CDH12: variants seen among roughly 807,000 people sequenced by gnomAD.
CDH12 encodes the protein cadherin 12.
Under a neutral mutation model 74.1 loss-of-function variants are expected in CDH12, and 41 were observed. The ratio of observed to expected loss-of-function variants is 0.55; its 90% CI spans 0.43 to 0.72. The LOEUF is 0.72. Ranked by LOEUF, CDH12 falls within the 30% of genes least tolerant of loss-of-function variation. The pLI, the probability that CDH12 is intolerant of heterozygous loss-of-function variation, is 0.00. For missense variants in CDH12, 945 were observed against 977.2 expected, an observed-to-expected ratio of 0.97 and a Z score of 0.44; for synonymous variants, 399 against 355.0, an observed-to-expected ratio of 1.12 and a Z score of -1.39.
At chr5:21,947,323 CAGA>C (rs1174651747) in intron 6 of CDH12, among the ~76,000 whole-genome samples, 1 of 152,050 alleles carries the variant, frequency 6.6e-6, no homozygotes, top group African/African-American at 2.4e-5. Context: ...TTGGAGGGCT[CAGA>C]AGAAGACAGG....
At chr5:22,147,650 A>G (rs1204169878) in intron 4 of CDH12, among the ~76,000 whole-genome samples, 1 of 151,952 alleles carries the variant, frequency 6.6e-6, no homozygotes, top group Non-Finnish European at 1.5e-5. Context: ...GAGGCCTCAC[A>G]ATCATGGCAG....
At chr5:22,602,869 T>C (rs1372808963) in intron 1 of CDH12, among the ~76,000 whole-genome samples, 1 of 152,192 alleles carries the variant, frequency 6.6e-6, no homozygotes, top group Non-Finnish European at 1.5e-5. Flanking sequence ...ATTTAACTCA[T>C]ATCTGCCAAT....
At chr5:22,301,905 G>A (rs2150420369) in intron 3 of CDH12, among the ~76,000 whole-genome samples, 1 of 151,810 alleles carries the variant, frequency 6.6e-6, no homozygotes, top group Non-Finnish European at 1.5e-5. Flanking sequence ...CTGAGCTCAA[G>A]CAATCTGCCC....
At chr5:21,802,447 G>A in intron 9 of CDH12, 27 bp from the exon 10 acceptor site, 2 of 1,586,190 alleles carry the variant, frequency 1.3e-6, no homozygotes, top group Non-Finnish European at 1.7e-6. Flanking sequence ...TTAAGAATAA[G>A]GAGTAAATTT....
intron 5 of CDH12, among the ~76,000 whole-genome samples, chr5:21,995,121 G>T (rs141501119): frequency 0.013 from 1,959 of 152,110 alleles, 18 homozygotes; most frequent in South Asian, 0.023. Context: ...CTGAACATTG[G>T]AAGGAACAAA....
At chr5:22,578,835 TC>T (rs1739933168) in intron 1 of CDH12, among the ~76,000 whole-genome samples, 2 of 152,288 alleles carry the variant, frequency 1.3e-5, no homozygotes, top group East Asian at 3.9e-4. Context: ...ATCATTCCAG[TC>T]TTGAATTGTT....
At chr5:22,019,878 T>C (rs1402883925) in intron 5 of CDH12, among the ~76,000 whole-genome samples, 1 of 152,110 alleles carries the variant, frequency 6.6e-6, no homozygotes, top group African/African-American at 2.4e-5. Context: ...TAACTGTCAA[T>C]ATGTGTGAAA....
chr5:22,283,291 T>C (rs1327524471), intron 3 of CDH12, among the ~76,000 whole-genome samples: 2 of 146,846 alleles, frequency 1.4e-5, no homozygotes, highest in Non-Finnish European at 3.0e-5. Flanking sequence ...CACACATATA[T>C]ATATAGCATT....
At chr5:22,467,008 G>A (rs2457150) in intron 2 of CDH12, among the ~76,000 whole-genome samples, 64,471 of 150,850 alleles carry the variant, frequency 0.43, 14,144 homozygotes, top group Admixed American at 0.61. Context: ...AGGATGGTCT[G>A]GATCTCGACC....
intron 4 of CDH12, among the ~76,000 whole-genome samples, chr5:22,184,417 G>A (rs1403470146): frequency 6.6e-6 from 1 of 152,148 alleles, no homozygotes; most frequent in African/African-American, 2.4e-5. Flanking sequence ...TAAGGCAAAA[G>A]ATAATTTCAG....
intron 1 of CDH12, among the ~76,000 whole-genome samples, chr5:22,633,188 C>A (rs560677256): frequency 3.3e-5 from 5 of 151,986 alleles, no homozygotes; most frequent in African/African-American, 1.2e-4. Flanking sequence ...CCACAAAAAC[C>A]ATCTAATGGG....
At chr5:22,771,863 A>G (rs1746823976) in intron 1 of CDH12, among the ~76,000 whole-genome samples, 1 of 151,964 alleles carries the variant, frequency 6.6e-6, no homozygotes, top group Admixed American at 6.6e-5. Flanking sequence ...TGACCTGCCA[A>G]CCTTTGCAAT....
At chr5:22,387,271 A>T (rs191051028) in intron 3 of CDH12, among the ~76,000 whole-genome samples, 1,520 of 145,910 alleles carry the variant, frequency 0.01, 19 homozygotes, top group African/African-American at 0.034. Context: ...TACAATTTTT[A>T]AAAAAAATTT....
intron 2 of CDH12, among the ~76,000 whole-genome samples, chr5:22,444,898 A>C (rs1243663012): frequency 6.6e-6 from 1 of 152,034 alleles, no homozygotes; most frequent in African/African-American, 2.4e-5. Context: ...TTCTTGTTTT[A>C]GTGCTTATAT....
chr5:22,833,131 G>A (rs930206431), intron 1 of CDH12, among the ~76,000 whole-genome samples: 1 of 152,074 alleles, frequency 6.6e-6, no homozygotes, highest in Admixed American at 6.6e-5. Flanking sequence ...GGTTTGAAAT[G>A]CATTTTAACT....
rs548126124 is a variant in CDH12 at position 22,197,303 on chromosome 5, C to T, written c.-187+15195G>A. On this transcript the variant is annotated intron_variant, in intron 4 of 14. Coordinates refer to ENST00000382254, the MANE Select transcript of CDH12 (RefSeq NM_004061.5). ...ACTAAAAATACAAAAAAAAAATTAG[C>T]TGGGCGTGGTGGCAGGTGCCTGTAG... 1.6e-4 allele frequency among the ~76,000 whole-genome samples: 24 copies of T among 152,042 alleles called. No homozygotes were observed. The East Asian group carries it at 4.5e-3, about 28-fold the overall frequency.
chr5:22,112,491 C>T (rs1007725434), intron 4 of CDH12, among the ~76,000 whole-genome samples: 62 of 152,200 alleles, frequency 4.1e-4, no homozygotes, highest in African/African-American at 1.1e-3. Context: ...TCCAAACACA[C>T]GCTAATTTAA....
chr5:22,248,952 T>C (rs1011910794), intron 3 of CDH12, among the ~76,000 whole-genome samples: 1 of 152,146 alleles, frequency 6.6e-6, no homozygotes, highest in African/African-American at 2.4e-5. Flanking sequence ...ATACAATATA[T>C]ACAATTCTAC....
intron 1 of CDH12, among the ~76,000 whole-genome samples, chr5:22,674,748 G>A (rs915828116): frequency 6.6e-6 from 1 of 152,152 alleles, no homozygotes; most frequent in African/African-American, 2.4e-5. Flanking sequence ...TTAGGAACTT[G>A]TTGGGAACTG....
Sources: allele counts gnomAD v4.1 joint callset (sites outside exome capture counted in the v4.1 genomes callset), GRCh38; gene constraint gnomAD v4.1.1; transcripts MANE v1.5; gene names NCBI Gene and HGNC (gene_info 2026-07-23, HGNC 2026-07-21).